Variants in HNRNPA3 observed in about 807,000 individuals in gnomAD.
HNRNPA3 encodes epididymis secretory sperm binding protein.
Under a neutral mutation model 45.8 loss-of-function variants are expected in HNRNPA3, and 3 were observed. The observed-to-expected ratio is 0.07, with a 90% confidence interval of 0.03 to 0.17. The LOEUF (loss-of-function observed/expected upper bound fraction) is 0.17, where lower values mean the gene tolerates loss of function less well. Ranked by LOEUF, HNRNPA3 falls within the 10% of genes least tolerant of loss-of-function variation. The pLI, the probability that HNRNPA3 is intolerant of heterozygous loss-of-function variation, is 1.00. For missense variants in HNRNPA3, 183 were observed against 480.3 expected (o/e 0.38, Z 5.79); for synonymous variants, 170 against 155.6 (o/e 1.09, Z -0.69).
chr2:177,216,166 T>C (rs1688922011), exon 4 of HNRNPA3: 2 of 1,573,736 alleles, frequency 1.3e-6, no homozygotes, highest in Admixed American at 1.7e-5. Flanking sequence ...TTGATGATCA[T>C]GATACAGTTG....
At position 177,217,851 on chromosome 2, in the gene HNRNPA3, C is replaced by T. The variant is rs1227503595; in HGVS notation, c.961+6C>T. Reference sequence around the variant, plus strand: ...AGGAGGAAATTTTGGCGGTGGTAAGCATTCACTTGTTTTATTTAAATGTTA... The same window carrying T: ...AGGAGGAAATTTTGGCGGTGGTAAGTATTCACTTGTTTTATTTAAATGTTA... On this transcript the variant is annotated splice_donor_region_variant and intron_variant, in intron 8 of 10. Coordinates refer to ENST00000392524, the Ensembl canonical transcript of HNRNPA3. 19 of 1,560,638 alleles carry T rather than the reference C, an allele frequency of 1.2e-5. No individual in the cohort carries two copies. The highest frequency in any genetic ancestry group is 1.6e-5 in the Non-Finnish European group (18 of 1,156,196).
chr2:177,216,812 T>C, intron 6 of HNRNPA3, 41 bp downstream of exon 6: 1 of 1,613,530 alleles, frequency 6.2e-7, no homozygotes, highest in South Asian at 1.1e-5. Flanking sequence ...ACCTGACATT[T>C]TGGTAAGTTG....
intron 4 of HNRNPA3, 38 bp downstream of exon 4, chr2:177,216,226 G>A (rs761156929): frequency 3.7e-6 from 5 of 1,367,162 alleles, no homozygotes; most frequent in Non-Finnish European, 4.1e-6. Flanking sequence ...TGAGAAAGTA[G>A]AACTGGTTTT....
At chr2:177,217,182 T>G (rs1318204516) in intron 7 of HNRNPA3, among the ~76,000 whole-genome samples, 1 of 151,728 alleles carries the variant, frequency 6.6e-6, no homozygotes. Context: ...TATATTTTTC[T>G]TAGTGAAATT....
chr2:177,217,451 A>G (rs927256933), intron 7 of HNRNPA3, among the ~76,000 whole-genome samples: 1 of 152,226 alleles, frequency 6.6e-6, no homozygotes, highest in Non-Finnish European at 1.5e-5. Flanking sequence ...TCTGAGCAAC[A>G]TAAGGAGACC....
intron 1 of HNRNPA3, among the ~76,000 whole-genome samples, chr2:177,214,296 T>A (rs932400042): frequency 6.6e-6 from 1 of 152,228 alleles, no homozygotes; most frequent in Admixed American, 6.5e-5. Context: ...CTCTTAAAAT[T>A]GAGTTGTAAA....
intron 1 of HNRNPA3, among the ~76,000 whole-genome samples, chr2:177,213,186 G>A (rs367658951): frequency 6.6e-6 from 1 of 152,028 alleles, no homozygotes; most frequent in Non-Finnish European, 1.5e-5. Flanking sequence ...CGGCGGGAGC[G>A]GTTGGGAGGA....
intron 4 of HNRNPA3, 89 bp downstream of exon 4, chr2:177,216,277 G>A (rs1026841839): frequency 2.3e-6 from 2 of 875,844 alleles, no homozygotes; most frequent in African/African-American, 3.4e-5. Flanking sequence ...ATTTTCTGTT[G>A]CGTGTAATGG....
intron 7 of HNRNPA3, 61 bp from the exon 8 acceptor site, chr2:177,217,644 T>C: frequency 6.3e-7 from 1 of 1,597,554 alleles, no homozygotes; most frequent in Non-Finnish European, 8.6e-7. Context: ...CACACCAGAA[T>C]TGAATAACGT....
chr2:177,215,800 T>A (rs767425129), exon 3 of HNRNPA3: 7 of 1,610,868 alleles, frequency 4.3e-6, no homozygotes, highest in Non-Finnish European at 2.5e-6. Context: ...GTTTTGTGAC[T>A]TATTCTTGTG....
At chr2:177,221,885 A>T (rs918496596), downstream of HNRNPA3, 1 of 152,656 alleles carries the variant, frequency 6.6e-6, no homozygotes, top group Non-Finnish European at 1.5e-5. Flanking sequence ...AGCAGGAAGG[A>T]GCTCTTCGCC....
intron 7 of HNRNPA3, among the ~76,000 whole-genome samples, chr2:177,217,271 ATACTTGATACTC>A (rs1688981843): frequency 6.6e-6 from 1 of 151,834 alleles, no homozygotes; most frequent in Non-Finnish European, 1.5e-5. Flanking sequence ...ACTAGTGCAG[ATACTTGATACTC>A]TATTATTATT....
chr2:177,216,245 G>A (rs901669976), intron 4 of HNRNPA3, 57 bp downstream of exon 4: 54 of 1,230,888 alleles, frequency 4.4e-5, no homozygotes, highest in Non-Finnish European at 9.2e-6. Context: ...TTTCTGTTTT[G>A]AACTAAATTT....
intron 8 of HNRNPA3, among the ~76,000 whole-genome samples, chr2:177,218,800 C>G (rs936158296): frequency 6.6e-6 from 1 of 152,190 alleles, no homozygotes; most frequent in Non-Finnish European, 1.5e-5. Context: ...GAATGGAACA[C>G]TGGCAATTTT....
downstream of HNRNPA3, chr2:177,223,274 ATTT>A (rs1005122978): frequency 6.7e-6 from 1 of 148,732 alleles, no homozygotes; most frequent in Admixed American, 6.7e-5. Flanking sequence ...TGAAGCAAAC[ATTT>A]TTTTTTTAAG....
At chr2:177,219,430 A>C (rs1689096017) in exon 11 of HNRNPA3, 2 of 724,692 alleles carry the variant, frequency 2.8e-6, no homozygotes, top group Non-Finnish European at 4.3e-6. Flanking sequence ...AGCAGGAGAG[A>C]GAGCGAGGAG....
chr2:177,223,387 G>A (rs1689272377), downstream of HNRNPA3: 1 of 151,172 alleles, frequency 6.6e-6, no homozygotes. Flanking sequence ...CTCAGAAGTT[G>A]TAGCAGCAGT....
exon 7 of HNRNPA3, chr2:177,216,864 C>T (rs1046399691): frequency 4.3e-6 from 7 of 1,611,428 alleles, no homozygotes; most frequent in Middle Eastern, 1.7e-4. Context: ...CCTCAGGAGG[C>T]TATGGTGGTG....
downstream of HNRNPA3, chr2:177,220,168 CAT>C (rs1476089137): frequency 5.2e-5 from 8 of 152,638 alleles, no homozygotes; most frequent in East Asian, 5.8e-4. Flanking sequence ...AAAATGTAAT[CAT>C]ATGATTTTAG....
Sources: gnomAD v4.1 joint callset for allele counts (sites outside exome capture counted in the v4.1 genomes callset) on GRCh38, gnomAD v4.1.1 for gene constraint, MANE v1.5 for transcripts, NCBI Gene and HGNC (gene_info 2026-07-23, HGNC 2026-07-21) for gene names.